MYH6: variants seen among roughly 807,000 people sequenced by gnomAD.
The protein encoded by MYH6 is myosin heavy chain 6.
Under a neutral mutation model 223.2 loss-of-function variants are expected in MYH6, and 126 were observed. That is an observed-to-expected ratio of 0.56 (90% CI 0.49 to 0.65). The LOEUF (loss-of-function observed/expected upper bound fraction) is 0.65. Ranked by LOEUF, MYH6 falls within the 30% of genes least tolerant of loss-of-function variation. The pLI, the probability that MYH6 is intolerant of heterozygous loss-of-function variation, is 0.00. For missense variants in MYH6, 2,040 were observed against 2,536.4 expected, an observed-to-expected ratio of 0.80 and a Z score of 4.20; for synonymous variants, 978 against 1,010.2, an observed-to-expected ratio of 0.97 and a Z score of 0.61.
chr14:23,397,189 G>A lies in MYH6; in HGVS notation c.2031C>T (p.Pro677=), dbSNP rs1891424309. ...GCTCACCTGGAGCCTTCCGCTCATT[G>A]GGGATGATGCAACGCACAAAGTGAG... ...THPHFVRCII[P]NERKAPGVMD... The change falls in exon 17 of 39, where the codon CCC becomes CCT. Residue 677 remains proline, a synonymous_variant. Transcript: ENST00000405093. 1.2e-6 allele frequency: 2 copies of A among 1,614,216 alleles called. No homozygotes were observed. The highest frequency in any genetic ancestry group is 1.7e-6 in the Non-Finnish European group (2 of 1,180,042).
intron 37 of MYH6, 150 bp from the exon 38 acceptor site, chr14:23,382,712 T>A (rs1890897649): frequency 8.8e-7 from 1 of 1,138,752 alleles, no homozygotes; most frequent in Non-Finnish European, 1.3e-6. Context: ...ATCCTGCAAC[T>A]GCCTTGCACT....
At position 23,389,053 on chromosome 14, in the gene MYH6, C is replaced by T. The variant is rs904695058; in HGVS notation, c.3981G>A (p.Ala1327=). 8.8e-6 allele frequency: 12 copies of T among 1,360,514 alleles called. No homozygotes were observed. Among genetic ancestry groups the T allele is most frequent in the African/African-American group, 1.9e-5 (1 of 52,858 alleles). The allele number at this position is 1,360,514 out of a possible 1,614,324, so 84.3% of individuals were successfully genotyped here. Residue 1327 remains alanine (A), a splice_region_variant and synonymous_variant, in exon 29 of 39, where the codon GCG becomes GCA. Coordinates refer to ENST00000405093, the MANE Select transcript of MYH6 (RefSeq NM_002471.4). ...LKRQLEEEGK[A]KNALAHALQS... is the part of the protein sequence containing the mutation. The stretch of plus-strand genomic sequence containing the variant: ...GCAGTGCATGGGCCAGGGCGTTCTT[C>T]GCCTGGGGAGGGGGGGGGGCACCAG...
Position 23,387,631 on chromosome 14 carries a change from C to G in MYH6, c.4548G>C (p.Glu1516Asp), listed in dbSNP as rs1265332889. ...CATTCTTTCCTCCTTCTCCTAGCTG[C>G]TCAGTAAGGTCCGAGATTTCCTCTG... The part of the protein sequence containing the change: ...NLQEEISDLT[E>D]QLGEGGKNVH... Residue 1516 changes from glutamate to aspartate, a missense_variant, in exon 32 of 39, where the codon GAG (glutamate) becomes GAC (aspartate). By Grantham distance (45) the Glu-to-Asp change is conservative. Around this residue, in one of 4 missense-constraint regions of MYH6, gnomAD observed 1,203 missense variants for 1,400.2 expected, o/e 0.86. Coordinates refer to ENST00000405093, the MANE Select transcript of MYH6 (RefSeq NM_002471.4). 3.1e-6 allele frequency: 5 copies of G among 1,614,102 alleles called. No homozygotes were observed. The highest frequency in any genetic ancestry group is 3.3e-5 in the Admixed American group (2 of 60,016).
intron 26 of MYH6, 125 bp from the exon 27 acceptor site, chr14:23,389,844 C>A: frequency 6.5e-7 from 1 of 1,547,688 alleles, no homozygotes; most frequent in Non-Finnish European, 8.9e-7. Context: ...TGGGAGGGCG[C>A]AGTCTGAAGA....
rs1891573190 is a variant in MYH6 at position 23,400,701 on chromosome 14, C to G, written c.1410+8G>C. 1.2e-6 allele frequency: 2 copies of G among 1,614,130 alleles called. No homozygotes were observed. The highest frequency in any genetic ancestry group is 1.7e-6 in the Non-Finnish European group (2 of 1,180,046). The stretch of plus-strand genomic sequence containing the variant: ...ATTGTTCTCCCACTCCCAGGGGTCC[C>G]AACTCACGTCGAAGATCTCGAAGCC... On this transcript the variant is annotated splice_region_variant and intron_variant, in intron 13 of 38. Transcript: ENST00000405093.
chr14:23,396,184 G>A, intron 20 of MYH6, 100 bp downstream of exon 20: 11 of 1,504,900 alleles, frequency 7.3e-6, no homozygotes, highest in Non-Finnish European at 1.0e-5. Context: ...GCCCAGGCCA[G>A]CTGGTAGGTC....
chr14:23,397,932 C>CTCTTCT lies in MYH6; in HGVS notation c.1892-325_1892-320dup, dbSNP rs55907025. Among the ~76,000 whole-genome samples the CTCTTCT allele has an allele frequency of 5.3e-3, 479 of 90,052 alleles. 18 individuals carry two copies. The highest frequency in any genetic ancestry group is 6.5e-3 in the East Asian group (17 of 2,624). The allele number at this position is 90,052 out of a possible 152,430, so 59.1% of individuals were successfully genotyped here. ...AGTTCTCCTCCTCCTCCTCCTCCTC[C>CTCTTCT]TCTTCTTCTTCTTCTTCTTCTTCTT... On this transcript the variant is annotated intron_variant, in intron 15 of 38. Transcript: ENST00000405093.
rs748426549 is a variant in MYH6 at position 23,405,615 on chromosome 14, G to T, written c.345+12C>A. ...GCACAGGAAGCCTCTGCAGTGTGCA[G>T]GAGCCACTCACATATATCATCCAGG... On this transcript the variant is annotated intron_variant, in intron 4 of 38. Coordinates refer to ENST00000405093, the MANE Select transcript of MYH6 (RefSeq NM_002471.4). The surrounding 1 kb of genome is among the most constrained non-coding windows in gnomAD (Gnocchi z 4.7). The T allele has an allele frequency of 1.9e-6, 3 of 1,614,182 alleles. No individual in the cohort carries two copies. In the South Asian group the frequency reaches 3.3e-5, roughly 18 times the overall value.
In MYH6 at chr14:23,387,602, T is replaced by C; in HGVS notation, c.4577A>G (p.His1526Arg). The change falls in exon 32 of 39, where the codon CAT (histidine) becomes CGT (arginine). Residue 1526 changes from histidine (H) to arginine (R), a missense_variant. Around this residue, in one of 4 missense-constraint regions of MYH6, gnomAD observed 1,203 missense variants for 1,400.2 expected, o/e 0.86. Transcript: ENST00000405093. ...EQLGEGGKNV[H>R]ELEKVRKQLE... ...CTGTTTGCGGACCTTCTCCAGCTCA[T>C]GCACATTCTTTCCTCCTTCTCCTAG... is the stretch of plus-strand genomic sequence containing the variant. 2.5e-6 allele frequency: 4 copies of C among 1,614,092 alleles called. No individual in the cohort carries two copies. Among genetic ancestry groups the C allele is most frequent in the Non-Finnish European group, 3.4e-6 (4 of 1,180,008 alleles).
chr14:23,389,072 G>GGCCC lies in MYH6; in HGVS notation c.3979-18_3979-17insGGGC. On this transcript the variant is annotated splice_polypyrimidine_tract_variant and intron_variant, in intron 28 of 38. Coordinates refer to ENST00000405093, the MANE Select transcript of MYH6 (RefSeq NM_002471.4). ...GTTCTTCGCCTGGGGAGGGGGGGGG[G>GGCCC]CACCAGGAGGTGGGAGGGACTCCCT... The GGCCC allele has an allele frequency of 8.8e-7, 1 of 1,135,014 alleles. No individual in the cohort carries two copies. The highest frequency in any genetic ancestry group is 1.3e-6 in the Non-Finnish European group (1 of 774,020). 70.3% of individuals were successfully genotyped at this position (1,135,014 alleles called of 1,614,324 possible).
In MYH6 at chr14:23,387,882, A is replaced by C. The variant is rs150081280; in HGVS notation, c.4401T>G (p.Ser1467=). 3.7e-4 allele frequency: 601 copies of C among 1,614,060 alleles called. 2 individuals are homozygous for C. In the African/African-American group the frequency reaches 6.8e-3, roughly 18 times the overall value. The change falls in exon 31 of 39, where the codon TCT becomes TCG. Residue 1467 remains serine, a synonymous_variant. Coordinates refer to ENST00000405093, the MANE Select transcript of MYH6 (RefSeq NM_002471.4). ...CCTCCTTCTGTGAGGACTCCAGCTC[A>C]GACTGCGACTCCTCATACTTCTGCT... ...EWKQKYEESQ[S]ELESSQKEAR...
In MYH6 at chr14:23,397,246, G is replaced by T. The variant is rs147623358; in HGVS notation, c.1974C>A (p.Asn658Lys). The change falls in exon 17 of 39, where the codon AAC becomes AAA. Residue 658 changes from asparagine to lysine, a missense_variant. Physicochemically the swap from Asn to Lys is moderately conservative, Grantham distance 94. Around this residue, in one of 4 missense-constraint regions of MYH6, gnomAD observed 649 missense variants for 877.3 expected, o/e 0.74. Transcript: ENST00000405093. ...TVSALHRENL[N>K]KLMTNLRTTH... ...TGGTCCTCAGGTTGGTCATTAGCTT[G>T]TTGAGATTTTCCTGGAGGCAGATGA... 8 of 1,614,078 alleles carry T rather than the reference G, an allele frequency of 5.0e-6. No homozygotes were observed. The highest frequency in any genetic ancestry group is 1.7e-5 in the Admixed American group (1 of 60,012).
At chr14:23,393,959 G>C in intron 21 of MYH6, 51 bp from the exon 22 acceptor site, 1 of 1,613,950 alleles carries the variant, frequency 6.2e-7, no homozygotes, top group Non-Finnish European at 8.5e-7. Context: ...AGGAGACCTA[G>C]GGTCTTAAAA....
rs1595048900 is a variant in MYH6, at chr14:23,385,963, C to T, written c.5128G>A (p.Glu1710Lys). 6 of 1,614,228 alleles carry T rather than the reference C, an allele frequency of 3.7e-6. No homozygotes were observed. The highest frequency in any genetic ancestry group is 5.1e-6 in the Non-Finnish European group (6 of 1,180,044). Residue 1710 changes from glutamate (E) to lysine (K), a missense_variant, in exon 34 of 39, where the codon GAG becomes AAG. Glu to Lys is a moderately conservative substitution (Grantham distance 56). Coordinates refer to ENST00000405093, the MANE Select transcript of MYH6 (RefSeq NM_002471.4). ...AGCAGCTGCACCCGCTCGCTGGTCT[C>T]AATCAGCTCCTGCTCCGCCAGCTTC... ...SRKLAEQELI[E>K]TSERVQLLHS...
chr14:23,405,178 G>T lies in MYH6; in HGVS notation c.502+45C>A. On this transcript the variant is annotated intron_variant, in intron 5 of 38. Coordinates refer to ENST00000405093, the MANE Select transcript of MYH6 (RefSeq NM_002471.4). The surrounding 1 kb of genome is among the most constrained non-coding windows in gnomAD (Gnocchi z 4.7). ...TGGGGTCAGGGCTGAGGATCTGGGT[G>T]GGTGTCTGGGAGGAGGAGCAGAGAC... 6.2e-7 allele frequency: 1 copy of T among 1,613,990 alleles called. No individual in the cohort carries two copies. The highest frequency in any genetic ancestry group is 8.5e-7 in the Non-Finnish European group (1 of 1,180,026).
intron 12 of MYH6, 142 bp from the exon 13 acceptor site, chr14:23,401,119 G>C (rs192634230): frequency 7.3e-7 from 1 of 1,370,400 alleles, no homozygotes; most frequent in Non-Finnish European, 1.0e-6. Flanking sequence ...TGATTTTCCT[G>C]CCTCAGCCTC....
At chr14:23,391,958 G>C (rs1318710917) in intron 25 of MYH6, among the ~76,000 whole-genome samples, 1 of 152,172 alleles carries the variant, frequency 6.6e-6, no homozygotes, top group East Asian at 1.9e-4. Flanking sequence ...TACTTGTATA[G>C]AATTTCCTAG....
chr14:23,403,454 G>A lies in MYH6; in HGVS notation c.800-8C>T. ...GGGACTTCTCCAGCAGGTCTGAGGT[G>A]GGTGGAGGGGAGGAAGGCAGGTGAG... is the stretch of plus-strand genomic sequence containing the variant. On this transcript the variant is annotated splice_polypyrimidine_tract_variant and splice_region_variant and intron_variant, in intron 9 of 38. Coordinates refer to ENST00000405093, the MANE Select transcript of MYH6 (RefSeq NM_002471.4). 1 of 1,610,182 alleles carries A rather than the reference G, an allele frequency of 6.2e-7. No individual in the cohort carries two copies. Among genetic ancestry groups the A allele is most frequent in the Non-Finnish European group, 8.5e-7 (1 of 1,176,432 alleles).
At chr14:23,386,190 C>T in intron 33 of MYH6, 59 bp from the exon 34 acceptor site, 3 of 1,612,528 alleles carry the variant, frequency 1.9e-6, no homozygotes, top group African/African-American at 1.3e-5. Flanking sequence ...TCACTGAGGG[C>T]ACCTGTCAGA....
Sources: gnomAD v4.1 joint callset for allele counts (sites outside exome capture counted in the v4.1 genomes callset) on GRCh38, gnomAD v4.1.1 for gene constraint, gnomAD v4.1.1 regional missense constraint, Gnocchi (gnomAD v3.1) non-coding constraint, MANE v1.5 for transcripts, NCBI Gene and HGNC (gene_info 2026-07-23, HGNC 2026-07-21) for gene names.